The following NXPE2 variants were observed in gnomAD, a reference collection of about 807,000 sequenced individuals.
NXPE2 encodes the protein NXPE family member 2.
In NXPE2, 34 loss-of-function variants were observed where a neutral mutation model predicts 34.4. That is an observed-to-expected ratio of 0.99 (90% confidence interval 0.75 to 1.31). The LOEUF (loss-of-function observed/expected upper bound fraction) is 1.31, where lower values mean the gene tolerates loss of function less well. Among genes scored for constraint, NXPE2 ranks in the 40% most tolerant of loss-of-function variants. The pLI, the probability that NXPE2 is intolerant of heterozygous loss-of-function variation, is 0.00. For missense variants in NXPE2, 649 were observed against 672.5 expected (o/e 0.97, Z 0.39); for synonymous variants, 235 against 231.3 (o/e 1.02, Z -0.15).
At chr11:114,621,387 T>C in the NXPE2 span, among the ~76,000 whole-genome samples, 4 of 151,546 alleles carry the variant, frequency 2.6e-5, no homozygotes, top group African/African-American at 9.7e-5. Context: ...ATATCTGTTA[T>C]CTCGTGGGTA....
chr11:114,640,293 T>A, the NXPE2 span, among the ~76,000 whole-genome samples: 3 of 145,492 alleles, frequency 2.1e-5, no homozygotes, highest in African/African-American at 7.5e-5. Context: ...ATTTTGTTCA[T>A]TTTAAATTTT....
the NXPE2 span, among the ~76,000 whole-genome samples, chr11:114,493,206 T>G: frequency 6.6e-6 from 1 of 152,208 alleles, no homozygotes; most frequent in East Asian, 1.9e-4. Context: ...TATGTATGTC[T>G]TATGGTGAAG....
chr11:114,523,499 A>C, the NXPE2 span, among the ~76,000 whole-genome samples: 1 of 152,196 alleles, frequency 6.6e-6, no homozygotes, highest in African/African-American at 2.4e-5. Context: ...GGAATGAATA[A>C]TCTTAATTTT....
the NXPE2 span, among the ~76,000 whole-genome samples, chr11:114,546,848 C>T: frequency 1.3e-5 from 2 of 152,022 alleles, no homozygotes; most frequent in African/African-American, 4.8e-5. Flanking sequence ...ACACAGGAAC[C>T]AATGGAAAGA....
the NXPE2 span, among the ~76,000 whole-genome samples, chr11:114,605,654 T>C: frequency 0.13 from 20,431 of 151,766 alleles, 1,759 homozygotes; most frequent in East Asian, 0.37. Context: ...AGTTAGCTGG[T>C]GGATAATACA....
the NXPE2 span, among the ~76,000 whole-genome samples, chr11:114,623,927 A>C: frequency 6.6e-6 from 1 of 152,172 alleles, no homozygotes; most frequent in African/African-American, 2.4e-5. Context: ...CCAGTGGATA[A>C]TAAGAACGAC....
At chr11:114,780,760 G>A in the NXPE2 span, among the ~76,000 whole-genome samples, 3 of 152,336 alleles carry the variant, frequency 2.0e-5, no homozygotes, top group East Asian at 1.9e-4. Flanking sequence ...CAGCTGCCTG[G>A]ATTACATTTG....
the NXPE2 span, chr11:114,583,175 T>G: frequency 1.2e-6 from 1 of 858,036 alleles, no homozygotes; most frequent in South Asian, 1.8e-5. Context: ...ATTATCAATA[T>G]TATTTAAATT....
At chr11:114,804,196 A>G in the NXPE2 span, among the ~76,000 whole-genome samples, 669 of 151,144 alleles carry the variant, frequency 4.4e-3, 9 homozygotes, top group Admixed American at 0.021. Flanking sequence ...CTCATCAAGT[A>G]TCAGGGAAGA....
At chr11:114,505,408 C>G in the NXPE2 span, among the ~76,000 whole-genome samples, 2 of 152,088 alleles carry the variant, frequency 1.3e-5, no homozygotes, top group South Asian at 2.1e-4. Flanking sequence ...AAGATTATCC[C>G]CAAGACATAT....
At chr11:114,749,276 T>C in the NXPE2 span, among the ~76,000 whole-genome samples, 1 of 152,222 alleles carries the variant, frequency 6.6e-6, no homozygotes, top group Non-Finnish European at 1.5e-5. Context: ...CATGTATATC[T>C]AATCCATTAT....
the NXPE2 span, among the ~76,000 whole-genome samples, chr11:114,525,976 C>G: frequency 6.6e-6 from 1 of 152,156 alleles, no homozygotes; most frequent in African/African-American, 2.4e-5. Flanking sequence ...CAGGGTATGG[C>G]CTTTGAGATG....
At chr11:114,603,996 G>A in the NXPE2 span, among the ~76,000 whole-genome samples, 171 of 151,114 alleles carry the variant, frequency 1.1e-3, no homozygotes, top group African/African-American at 4.1e-3. Context: ...GTATTGCCTC[G>A]TCTCCTAGGT....
the NXPE2 span, chr11:114,527,880 C>A: frequency 9.4e-6 from 15 of 1,601,196 alleles, no homozygotes; most frequent in East Asian, 1.1e-4. Flanking sequence ...GATCCTTCAT[C>A]ATTTCAACTC....
chr11:114,776,867 C>A, the NXPE2 span, among the ~76,000 whole-genome samples: 1 of 152,236 alleles, frequency 6.6e-6, no homozygotes, highest in South Asian at 2.1e-4. Context: ...TCATGGTACC[C>A]TCATGACAAA....
At chr11:114,489,593 C>G in the NXPE2 span, among the ~76,000 whole-genome samples, 1 of 151,668 alleles carries the variant, frequency 6.6e-6, no homozygotes, top group African/African-American at 2.4e-5. Context: ...ATAAACAGAA[C>G]CAAAGACAAA....
At chr11:114,670,084 G>C in the NXPE2 span, among the ~76,000 whole-genome samples, 1 of 151,970 alleles carries the variant, frequency 6.6e-6, no homozygotes, top group African/African-American at 2.4e-5. Context: ...TCAAAGACTG[G>C]TCTCAAAAAC....
chr11:114,715,990 C>A, the NXPE2 span, among the ~76,000 whole-genome samples: 1 of 152,180 alleles, frequency 6.6e-6, no homozygotes, highest in Non-Finnish European at 1.5e-5. Context: ...TATGTTTAGT[C>A]TTTTAATGTA....
At chr11:114,760,963 T>G in the NXPE2 span, among the ~76,000 whole-genome samples, 2 of 152,190 alleles carry the variant, frequency 1.3e-5, no homozygotes, top group Non-Finnish European at 2.9e-5. Context: ...TCATTGCTTC[T>G]GATTATGAAG....
Sources: allele counts gnomAD v4.1 joint callset (sites outside exome capture counted in the v4.1 genomes callset), GRCh38; gene constraint gnomAD v4.1.1; transcripts MANE v1.5; gene names NCBI Gene and HGNC (gene_info 2026-07-23, HGNC 2026-07-21).